Variants in NHS observed in about 807,000 individuals in gnomAD.
The protein encoded by NHS is actin remodeling regulator NHS.
NHS carries 5 observed loss-of-function variants against 72.5 expected under a neutral mutation model. The ratio of observed to expected loss-of-function variants is 0.07; its 90% CI spans 0.04 to 0.14. The LOEUF (loss-of-function observed/expected upper bound fraction) is 0.14. Ranked by LOEUF, NHS falls within the 10% of genes least tolerant of loss-of-function variation. The pLI is 1.00. For synonymous variants in NHS, 464 were observed against 547.7 expected, an observed-to-expected ratio of 0.85 and a Z score of 2.13; for missense variants, 1,072 against 1,355.7, an observed-to-expected ratio of 0.79 and a Z score of 3.29.
At chrX:17,685,468 T>C (rs1288394782) in intron 1 of NHS, among the ~76,000 whole-genome samples, 3 of 111,784 alleles carry the variant, frequency 2.7e-5, no homozygotes. Context: ...TGCATTACTC[T>C]TTGTATCTGT....
chrX:17,414,647 C>A (rs896380805), intron 1 of NHS, among the ~76,000 whole-genome samples: 2 of 111,860 alleles, frequency 1.8e-5, no homozygotes, highest in African/African-American at 6.5e-5. Flanking sequence ...AGATGCTTTC[C>A]TGAGAGGTCT....
At chrX:17,533,195 G>C (rs780496710) in intron 1 of NHS, among the ~76,000 whole-genome samples, 19 of 112,470 alleles carry the variant, frequency 1.7e-4, no homozygotes, top group Admixed American at 1.7e-3. Flanking sequence ...CATTGGCATG[G>C]CTCTATATGG....
At position 17,723,770 on chromosome X, in the gene NHS, T is replaced by TGTGCGC. The variant is rs541219770; in HGVS notation, c.1109-528_1109-527insTGCGCG. Among the ~76,000 whole-genome samples the TGTGCGC allele has an allele frequency of 5.8e-3, 529 of 91,285 alleles. 11 individuals are homozygous for TGTGCGC. Among genetic ancestry groups the TGTGCGC allele is most frequent in the African/African-American group, 0.02 (394 of 19,767 alleles). 79.3% of individuals were successfully genotyped at this position (91,285 alleles called of 115,157 possible). A position where few individuals can be genotyped will look rare whatever the true frequency, so the allele number is the denominator to read the frequency against. ...GTGTGTGTGTGTGTGTGTGTGTGTG[T>TGTGCGC]GCGCGCGCGTGCGCGCATGGGGAAT... On this transcript the variant is annotated intron_variant, in intron 5 of 8. Transcript: ENST00000676302.
chrX:17,556,549 A>T (rs1413322833), intron 1 of NHS, among the ~76,000 whole-genome samples: 1 of 112,937 alleles, frequency 8.9e-6, no homozygotes, highest in Non-Finnish European at 1.9e-5. Flanking sequence ...ATCATATGAA[A>T]TCCTTACTTA....
chrX:17,687,581 C>A (rs1039809530), intron 1 of NHS, 161 bp from the exon 2 acceptor site: 8 of 678,493 alleles, frequency 1.2e-5, no homozygotes, highest in Middle Eastern at 3.6e-4. Context: ...ATCATAAATG[C>A]CAAACCTTTC....
intron 1 of NHS, among the ~76,000 whole-genome samples, chrX:17,402,205 T>C (rs1403943792): frequency 8.9e-6 from 1 of 111,973 alleles, no homozygotes; most frequent in African/African-American, 3.2e-5. Flanking sequence ...GGTGAGAATC[T>C]GAAGAAATTG....
At chrX:17,592,049 C>T (rs1026982639) in intron 1 of NHS, among the ~76,000 whole-genome samples, 1 of 111,073 alleles carries the variant, frequency 9.0e-6, no homozygotes, top group African/African-American at 3.3e-5. Flanking sequence ...CATGTGCATG[C>T]AAATACACAT....
chrX:17,728,663 G>A lies in NHS; in HGVS notation c.4237G>A (p.Asp1413Asn). 8.3e-7 allele frequency: 1 copy of A among 1,210,869 alleles called. No individual in the cohort carries two copies. Residue 1413 changes from aspartate to asparagine, a missense_variant, in exon 8 of 9, where the codon GAT becomes AAT. Physicochemically the swap from Asp to Asn is conservative, Grantham distance 23. Transcript: ENST00000676302. ...CTTATTTTAAGAATCATCACCGAGT[G>A]ATGACTCCATCATTTCACCACTTAG... ...EASLKESSPS[D>N]DSIISPLSED...
intron 1 of NHS, among the ~76,000 whole-genome samples, chrX:17,537,086 C>G (rs934915865): frequency 1.8e-5 from 2 of 112,162 alleles, no homozygotes; most frequent in East Asian, 2.8e-4. Context: ...CATGTCCAAG[C>G]AAGACAAAGA....
intron 1 of NHS, among the ~76,000 whole-genome samples, chrX:17,646,882 T>A (rs1263091791): frequency 8.9e-6 from 1 of 112,346 alleles, no homozygotes; most frequent in Non-Finnish European, 1.9e-5. Flanking sequence ...CTCCTTTATC[T>A]ACTCTTTACG....
At chrX:17,522,157 C>A (rs1166872979) in intron 1 of NHS, among the ~76,000 whole-genome samples, 1 of 112,394 alleles carries the variant, frequency 8.9e-6, no homozygotes, top group African/African-American at 3.2e-5. Context: ...GAGATGGTGT[C>A]CACTATTCTT....
chrX:17,573,525 C>T (rs4631594), intron 1 of NHS, among the ~76,000 whole-genome samples: 2,071 of 109,400 alleles, frequency 0.019, 46 homozygotes, highest in African/African-American at 0.065. Context: ...GTTTTCAGCT[C>T]CATCAGATCA....
intron 1 of NHS, among the ~76,000 whole-genome samples, chrX:17,377,961 G>A (rs2064355346): frequency 8.9e-6 from 1 of 112,238 alleles, no homozygotes; most frequent in Admixed American, 9.4e-5. Context: ...ACTTTCAACA[G>A]CGCAGGTATC....
chrX:17,413,248 A>T (rs891245472), intron 1 of NHS, among the ~76,000 whole-genome samples: 19 of 112,482 alleles, frequency 1.7e-4, no homozygotes, highest in African/African-American at 6.1e-4. Flanking sequence ...CATTTTCTAA[A>T]TAAATAGTCC....
At chrX:17,397,249 T>G (rs1005984481) in intron 1 of NHS, among the ~76,000 whole-genome samples, 3 of 112,635 alleles carry the variant, frequency 2.7e-5, no homozygotes, top group African/African-American at 9.7e-5. Context: ...GCATGTTAAG[T>G]GAGCTTTCCC....
intron 1 of NHS, among the ~76,000 whole-genome samples, chrX:17,578,078 TATAAA>T (rs2065521139): frequency 8.9e-6 from 1 of 112,277 alleles, no homozygotes; most frequent in South Asian, 3.7e-4. Context: ...CTAGAAATAA[TATAAA>T]ATATGTTTGT....
chrX:17,702,128 G>A (rs990362290), intron 3 of NHS, among the ~76,000 whole-genome samples: 7 of 110,215 alleles, frequency 6.4e-5, no homozygotes, highest in African/African-American at 2.3e-4. Flanking sequence ...TATTTTTTGG[G>A]TTATAGCTCA....
chrX:17,512,539 C>T (rs1237832685), intron 1 of NHS, among the ~76,000 whole-genome samples: 1 of 111,331 alleles, frequency 9.0e-6, no homozygotes, highest in Non-Finnish European at 1.9e-5. Flanking sequence ...GGTAGCTGGT[C>T]GATGTTCAAG....
intron 1 of NHS, among the ~76,000 whole-genome samples, chrX:17,671,811 G>T (rs1038039948): frequency 8.9e-6 from 1 of 111,755 alleles, no homozygotes; most frequent in Admixed American, 9.5e-5. Flanking sequence ...AACTAAAAGA[G>T]GAAAAGATGA....
Sources: gnomAD v4.1 joint callset for allele counts (sites outside exome capture counted in the v4.1 genomes callset) on GRCh38, gnomAD v4.1.1 for gene constraint, MANE v1.5 for transcripts, NCBI Gene and HGNC (gene_info 2026-07-23, HGNC 2026-07-21) for gene names.